The following GNA12 variants were observed in gnomAD, a reference collection of about 807,000 sequenced individuals.
GNA12 encodes guanine nucleotide-binding protein subunit alpha-12.
In GNA12, 9 loss-of-function variants were observed where a neutral mutation model predicts 26.0. The observed-to-expected ratio is 0.35, with a 90% CI of 0.21 to 0.60. The LOEUF (loss-of-function observed/expected upper bound fraction) is 0.60, where lower values mean the gene tolerates loss of function less well. GNA12 is among the 20% of genes least tolerant of loss of function. The probability of loss-of-function intolerance (pLI) is 0.78; values close to 1 mark genes in which losing one functional copy is unlikely to be tolerated. For synonymous variants in GNA12, 264 were observed against 219.6 expected (o/e 1.20, Z -1.79); for missense variants, 405 against 525.8 (o/e 0.77, Z 2.25).
At position 2,729,267 on chromosome 7, in the gene GNA12, C is replaced by A. The variant is rs942025181; in HGVS notation, c.*1914G>T. Reference sequence around the variant, plus strand: ...CAAACAAAGCTCACCACGCTCCGGACCGGGCTGCGCGTCACTGTTGCAGAC... The same window carrying A: ...CAAACAAAGCTCACCACGCTCCGGAACGGGCTGCGCGTCACTGTTGCAGAC... On this transcript the variant is annotated 3_prime_UTR_variant, in exon 4 of 4. Coordinates refer to ENST00000275364, the MANE Select transcript of GNA12 (RefSeq NM_007353.3). 6.6e-6 allele frequency: 1 copy of A among 152,358 alleles called. No homozygotes were observed. The highest frequency in any genetic ancestry group is 1.5e-5 in the Non-Finnish European group (1 of 68,062). The allele number at this position is 152,358 out of a possible 1,614,324, so 9.4% of individuals were successfully genotyped here. A position where few individuals can be genotyped will look rare whatever the true frequency, so the allele number is the denominator to read the frequency against.
chr7:2,778,149 T>C (rs1792126127), intron 2 of GNA12, among the ~76,000 whole-genome samples: 1 of 152,166 alleles, frequency 6.6e-6, no homozygotes, highest in Non-Finnish European at 1.5e-5. Context: ...ACTGGTCTGC[T>C]AGAAGGTTTA....
chr7:2,776,251 A>C (rs1448362637), intron 2 of GNA12, among the ~76,000 whole-genome samples: 1 of 152,168 alleles, frequency 6.6e-6, no homozygotes, highest in African/African-American at 2.4e-5. Context: ...ATGGGTCTTA[A>C]CCAGAGTGAA....
rs1414975774 is a variant in GNA12, at chr7:2,731,362, T to C, written c.965A>G (p.His322Arg). ...GTAGCGCTGGACGTCCTCCAGCCTGTGCGGGTCGCCCCTGAAGTCCGGGAA... is the reference window on the plus strand; with the variant it reads ...GTAGCGCTGGACGTCCTCCAGCCTGCGCGGGTCGCCCCTGAAGTCCGGGAA... Reference protein sequence around the residue: ...KHFPDFRGDPHRLEDVQRYLV... With the variant: ...KHFPDFRGDPRRLEDVQRYLV... Residue 322 changes from histidine (H) to arginine (R), a missense_variant, in exon 4 of 4, where the codon CAC (histidine) becomes CGC (arginine). Coordinates refer to ENST00000275364, the MANE Select transcript of GNA12 (RefSeq NM_007353.3). The surrounding 1 kb of genome is among the most constrained non-coding windows in gnomAD (Gnocchi z 6.0). 1.9e-6 allele frequency: 3 copies of C among 1,613,946 alleles called. No homozygotes were observed. The highest frequency in any genetic ancestry group is 2.5e-6 in the Non-Finnish European group (3 of 1,179,948).
chr7:2,833,675 C>A (rs371897059), intron 1 of GNA12, among the ~76,000 whole-genome samples: 7 of 152,226 alleles, frequency 4.6e-5, no homozygotes, highest in Middle Eastern at 3.4e-3. Context: ...GGACCAACCC[C>A]GTATGTCAAA....
chr7:2,767,859 T>C (rs1056786113), intron 2 of GNA12, among the ~76,000 whole-genome samples: 6 of 152,166 alleles, frequency 3.9e-5, no homozygotes, highest in African/African-American at 1.4e-4. Flanking sequence ...CTATATTTTA[T>C]TTTATTTTAG....
At chr7:2,736,504 C>G (rs1164055900) in intron 2 of GNA12, among the ~76,000 whole-genome samples, 2 of 152,168 alleles carry the variant, frequency 1.3e-5, no homozygotes, top group Admixed American at 6.5e-5. Context: ...AGGGATGAAC[C>G]TGAGCAGGGG....
At chr7:2,782,260 C>T (rs887653779) in intron 2 of GNA12, among the ~76,000 whole-genome samples, 4 of 152,272 alleles carry the variant, frequency 2.6e-5, no homozygotes, top group Admixed American at 6.5e-5. Context: ...AGCTTTGACA[C>T]CAAAAGTGAA....
At chr7:2,803,257 G>C (rs1032160181) in intron 1 of GNA12, among the ~76,000 whole-genome samples, 1 of 152,234 alleles carries the variant, frequency 6.6e-6, no homozygotes, top group Non-Finnish European at 1.5e-5. Context: ...AGGACAGCCA[G>C]AATCGCCACC....
At chr7:2,837,952 T>C (rs1017600787) in intron 1 of GNA12, among the ~76,000 whole-genome samples, 2 of 152,092 alleles carry the variant, frequency 1.3e-5, no homozygotes, top group Non-Finnish European at 2.9e-5. Flanking sequence ...AACCACCTGA[T>C]GTGGCATTCA....
intron 1 of GNA12, among the ~76,000 whole-genome samples, chr7:2,808,459 G>A (rs1323239203): frequency 2.0e-5 from 3 of 152,232 alleles, no homozygotes; most frequent in Non-Finnish European, 4.4e-5. Flanking sequence ...GTAGGAGAGT[G>A]CCCAGGTGCT....
chr7:2,773,593 G>C (rs1293792028), intron 2 of GNA12, among the ~76,000 whole-genome samples: 1 of 152,140 alleles, frequency 6.6e-6, no homozygotes, highest in Non-Finnish European at 1.5e-5. Context: ...ACCAGAATGA[G>C]ATACCTCTAC....
At chr7:2,780,688 C>A (rs76656539) in intron 2 of GNA12, among the ~76,000 whole-genome samples, 1 of 152,102 alleles carries the variant, frequency 6.6e-6, no homozygotes, top group African/African-American at 2.4e-5. Context: ...TTTGGGCCAA[C>A]ATCATAATGT....
intron 2 of GNA12, among the ~76,000 whole-genome samples, chr7:2,785,837 A>G (rs1458954779): frequency 6.6e-6 from 1 of 152,240 alleles, no homozygotes; most frequent in African/African-American, 2.4e-5. Context: ...ACCTGAGTTC[A>G]GGAGTTCAAG....
intron 2 of GNA12, among the ~76,000 whole-genome samples, chr7:2,737,764 A>G (rs562863749): frequency 6.6e-6 from 1 of 152,358 alleles, no homozygotes; most frequent in African/African-American, 2.4e-5. Context: ...TGTGTATGAA[A>G]AGTAACAGCA....
chr7:2,797,226 A>G (rs1052206187), intron 1 of GNA12, among the ~76,000 whole-genome samples: 11 of 152,140 alleles, frequency 7.2e-5, no homozygotes, highest in African/African-American at 2.7e-4. Context: ...GCTCACTGCA[A>G]TCTCGACCTT....
intron 2 of GNA12, among the ~76,000 whole-genome samples, chr7:2,757,854 T>A (rs1047095741): frequency 6.6e-6 from 1 of 152,202 alleles, no homozygotes; most frequent in African/African-American, 2.4e-5. Context: ...CAAACCTGAC[T>A]TTTTAAATGG....
chr7:2,796,297 A>C (rs1377344471), intron 1 of GNA12, among the ~76,000 whole-genome samples: 1 of 152,226 alleles, frequency 6.6e-6, no homozygotes, highest in African/African-American at 2.4e-5. Context: ...ATAATAGCTA[A>C]TAATAAAATA....
intron 2 of GNA12, among the ~76,000 whole-genome samples, chr7:2,791,980 T>A (rs1792532221): frequency 6.6e-6 from 1 of 152,212 alleles, no homozygotes; most frequent in Non-Finnish European, 1.5e-5. Context: ...TATTACAGAC[T>A]TTACAAATGC....
chr7:2,753,452 G>C (rs534351045), intron 2 of GNA12, among the ~76,000 whole-genome samples: 1 of 152,174 alleles, frequency 6.6e-6, no homozygotes, highest in Admixed American at 6.5e-5. Flanking sequence ...GTGGCCTTTG[G>C]AAGTTGGCTT....
Sources: gnomAD v4.1 joint callset for allele counts (sites outside exome capture counted in the v4.1 genomes callset) on GRCh38, gnomAD v4.1.1 for gene constraint, Gnocchi (gnomAD v3.1) non-coding constraint, MANE v1.5 for transcripts, NCBI Gene and HGNC (gene_info 2026-07-23, HGNC 2026-07-21) for gene names.